NLK: variants seen among roughly 807,000 people sequenced by gnomAD.
NLK encodes the protein serine/threonine-protein kinase NLK.
A neutral mutation model predicts 59.0 loss-of-function variants in NLK; 11 were observed. The ratio of observed to expected loss-of-function variants is 0.19; its 90% CI spans 0.12 to 0.31. The LOEUF is 0.31. NLK is among the 10% of genes least tolerant of loss of function. The pLI is 1.00. For synonymous variants in NLK, 235 were observed against 235.9 expected (o/e 1.00, Z 0.03); for missense variants, 410 against 661.1 (o/e 0.62, Z 4.16).
intron 2 of NLK, 129 bp from the exon 3 acceptor site, chr17:28,132,491 T>C (rs1906559979): frequency 2.9e-6 from 2 of 684,398 alleles, no homozygotes; most frequent in Non-Finnish European, 5.1e-6. Context: ...ACAGACGAAT[T>C]TAATTTTCAG....
chr17:28,105,113 C>G (rs1192128815), intron 1 of NLK, among the ~76,000 whole-genome samples: 1 of 152,172 alleles, frequency 6.6e-6, no homozygotes, highest in Non-Finnish European at 1.5e-5. Context: ...CTGTTTTCAG[C>G]TACATTCTAC....
At chr17:28,056,947 C>CTTTT (rs934652705) in intron 1 of NLK, among the ~76,000 whole-genome samples, 54 of 86,890 alleles carry the variant, frequency 6.2e-4, no homozygotes, top group East Asian at 1.1e-3. Flanking sequence ...CATTACCTAC[C>CTTTT]TTTTTTTTTT....
At chr17:28,108,028 G>A (rs1284014619) in intron 1 of NLK, among the ~76,000 whole-genome samples, 1 of 152,156 alleles carries the variant, frequency 6.6e-6, no homozygotes, top group Admixed American at 6.5e-5. Context: ...GAGGTCAGGA[G>A]TTTGAGCCCA....
intron 3 of NLK, among the ~76,000 whole-genome samples, chr17:28,148,863 C>T (rs752038949): frequency 6.6e-6 from 1 of 152,188 alleles, no homozygotes; most frequent in Non-Finnish European, 1.5e-5. Flanking sequence ...TGAGCAGTTA[C>T]TTCAGGTGTC....
intron 1 of NLK, among the ~76,000 whole-genome samples, chr17:28,097,740 G>A (rs1722382144): frequency 6.6e-6 from 1 of 152,176 alleles, no homozygotes; most frequent in East Asian, 1.9e-4. Flanking sequence ...TACATTTTCA[G>A]TGTCTTCAAT....
At chr17:28,057,917 G>A (rs138260720) in intron 1 of NLK, among the ~76,000 whole-genome samples, 19 of 152,260 alleles carry the variant, frequency 1.2e-4, no homozygotes, top group South Asian at 6.2e-4. Flanking sequence ...ATTGGAAAAG[G>A]CTGAAATCAT....
At chr17:28,173,694 G>C (rs1190579224) in intron 7 of NLK, among the ~76,000 whole-genome samples, 1 of 152,166 alleles carries the variant, frequency 6.6e-6, no homozygotes, top group African/African-American at 2.4e-5. Context: ...CTTGAGAAGA[G>C]CACAGTAAGT....
chr17:28,102,542 G>A (rs145657681), intron 1 of NLK, among the ~76,000 whole-genome samples: 1,536 of 151,876 alleles, frequency 0.01, 26 homozygotes, highest in African/African-American at 0.035. Flanking sequence ...CCAGCTATGC[G>A]GGAGGCTGAG....
At chr17:28,077,248 G>C (rs1910201083) in intron 1 of NLK, among the ~76,000 whole-genome samples, 1 of 151,830 alleles carries the variant, frequency 6.6e-6, no homozygotes, top group South Asian at 2.1e-4. Flanking sequence ...AATTGGACTT[G>C]CAGTTCCATG....
intron 6 of NLK, among the ~76,000 whole-genome samples, chr17:28,169,621 A>C (rs1908380929): frequency 6.6e-6 from 1 of 152,176 alleles, no homozygotes; most frequent in Non-Finnish European, 1.5e-5. Flanking sequence ...TCAGGCTGTG[A>C]AATCAGATTG....
intron 1 of NLK, among the ~76,000 whole-genome samples, chr17:28,119,007 C>T (rs375064988): frequency 1.3e-5 from 2 of 152,236 alleles, no homozygotes; most frequent in Non-Finnish European, 2.9e-5. Flanking sequence ...AAGGATGGCT[C>T]CTTTTTTTCT....
At chr17:28,079,899 T>C (rs1227122669) in intron 1 of NLK, among the ~76,000 whole-genome samples, 8 of 152,206 alleles carry the variant, frequency 5.3e-5, no homozygotes, top group African/African-American at 1.9e-4. Flanking sequence ...AAATCCAATA[T>C]CATGAAGCTT....
At chr17:28,061,476 A>G (rs1909633424) in intron 1 of NLK, among the ~76,000 whole-genome samples, 3 of 152,148 alleles carry the variant, frequency 2.0e-5, no homozygotes, top group Admixed American at 1.3e-4. Flanking sequence ...AAGTTATTAC[A>G]TGGTTTGTGG....
intron 1 of NLK, among the ~76,000 whole-genome samples, chr17:28,054,015 C>G (rs1394775744): frequency 6.6e-6 from 1 of 152,200 alleles, no homozygotes. Flanking sequence ...CCACTTCCCT[C>G]TCTTTTCTAA....
rs530106965 is a variant in NLK, at chr17:28,069,929, G to A, written c.458+26598G>A. On this transcript the variant is annotated intron_variant, in intron 1 of 10. Coordinates refer to ENST00000407008, the MANE Select transcript of NLK (RefSeq NM_016231.5). ...TTCTTTTATTATTAGTACATTTTTT[G>A]GTTCAGTATAAGAAATCTTTGTCTA... is the stretch of plus-strand genomic sequence containing the variant. Among the ~76,000 whole-genome samples the A allele has an allele frequency of 2.6e-5, 4 of 151,846 alleles. No homozygotes were observed. The South Asian group carries it at 8.3e-4, about 32-fold the overall frequency.
In NLK at chr17:28,168,646, C is replaced by A; in HGVS notation, c.1036C>A (p.Pro346Thr). Residue 346 changes from proline (P) to threonine (T), a missense_variant, in exon 6 of 11, where the codon CCC (proline) becomes ACC (threonine). Pro to Thr is a conservative substitution (Grantham distance 38). This residue lies in a region of NLK where 150 missense variants were observed against 244.3 expected (regional missense o/e 0.61). Transcript: ENST00000407008. ...AAGAATATTGTTTCAGGCACAGAGTCCCATTCAGCAGGTATGATTTCAATT... is the reference window on the plus strand; with the variant it reads ...AAGAATATTGTTTCAGGCACAGAGTACCATTCAGCAGGTATGATTTCAATT... ...GRRILFQAQS[P>T]IQQLDLITDL... 6.2e-7 allele frequency: 1 copy of A among 1,612,732 alleles called. No individual in the cohort carries two copies. Among genetic ancestry groups the A allele is most frequent in the Non-Finnish European group, 8.5e-7 (1 of 1,178,832 alleles).
rs1259533052 is a variant in NLK at position 28,061,924 on chromosome 17, T to C, written c.458+18593T>C. On this transcript the variant is annotated intron_variant, in intron 1 of 10. Coordinates refer to ENST00000407008, the MANE Select transcript of NLK (RefSeq NM_016231.5). ...ACATACATATATACATATATATACATATATATATATATTTTTTTTTTTTTT... is the reference window on the plus strand; with the variant it reads ...ACATACATATATACATATATATACACATATATATATATTTTTTTTTTTTTT... 2.9e-5 allele frequency: 4 copies of C among 139,854 alleles called. No homozygotes were observed. The South Asian group carries it at 9.1e-4, about 32-fold the overall frequency. 8.7% of individuals were successfully genotyped at this position (139,854 alleles called of 1,614,324 possible).
At chr17:28,100,001 A>G (rs1904851651) in intron 1 of NLK, among the ~76,000 whole-genome samples, 1 of 152,184 alleles carries the variant, frequency 6.6e-6, no homozygotes, top group Admixed American at 6.5e-5. Flanking sequence ...TTGTGTGTTC[A>G]TCACTTGATT....
downstream of NLK, among the ~76,000 whole-genome samples, chr17:28,196,863 G>C (rs1909496733): frequency 6.6e-6 from 1 of 152,140 alleles, no homozygotes; most frequent in Non-Finnish European, 1.5e-5. Flanking sequence ...CAGACTGCCT[G>C]ACTTCAAAAT....
Sources: gnomAD v4.1 joint callset for allele counts (sites outside exome capture counted in the v4.1 genomes callset) on GRCh38, gnomAD v4.1.1 for gene constraint, gnomAD v4.1.1 regional missense constraint, MANE v1.5 for transcripts, NCBI Gene and HGNC (gene_info 2026-07-23, HGNC 2026-07-21) for gene names.